The following TESK2 variants were observed in gnomAD, a reference collection of about 807,000 sequenced individuals.
TESK2 encodes the protein dual specificity testis-specific protein kinase 2.
A neutral mutation model predicts 57.1 loss-of-function variants in TESK2; 39 were observed. The observed-to-expected ratio is 0.68, with a 90% CI of 0.53 to 0.89. The LOEUF is 0.89. Ranked by LOEUF, TESK2 falls within the 40% of genes least tolerant of loss-of-function variation. TESK2 has a pLI of 0.00. For synonymous variants in TESK2, 249 were observed against 267.9 expected, an observed-to-expected ratio of 0.93 and a Z score of 0.69; for missense variants, 646 against 732.1, an observed-to-expected ratio of 0.88 and a Z score of 1.36.
chr1:45,457,899 A>G (rs1652173315), intron 1 of TESK2, 28 bp from the exon 2 acceptor site: 1 of 800,580 alleles, frequency 1.2e-6, no homozygotes, highest in Non-Finnish European at 2.0e-6. Context: ...ATTTCCACTG[A>G]AATCTTTAAT....
At chr1:45,403,802 A>G (rs1039452133) in intron 3 of TESK2, among the ~76,000 whole-genome samples, 1 of 151,854 alleles carries the variant, frequency 6.6e-6, no homozygotes, top group African/African-American at 2.4e-5. Flanking sequence ...TGAATAACAA[A>G]CTGAAATTAA....
At chr1:45,355,747 G>C (rs1647392576) in intron 4 of TESK2, among the ~76,000 whole-genome samples, 1 of 152,218 alleles carries the variant, frequency 6.6e-6, no homozygotes, top group Admixed American at 6.5e-5. Flanking sequence ...AACTGTGGAG[G>C]CATGTCAGAG....
At position 45,344,769 on chromosome 1, in the gene TESK2, C is replaced by T. The variant is rs1647113340; in HGVS notation, c.*71G>A. ...TGTAGGCTCCAGGGAAGAATCAAGG[C>T]TGTGCACCTAGGGGGCCATATGGTT... On this transcript the variant is annotated 3_prime_UTR_variant, in exon 11 of 11. Coordinates refer to ENST00000372086, the MANE Select transcript of TESK2 (RefSeq NM_007170.3). The T allele has an allele frequency of 1.4e-6, 2 of 1,405,880 alleles. No individual in the cohort carries two copies. The highest frequency in any genetic ancestry group is 2.0e-6 in the Non-Finnish European group (2 of 1,021,208). 87.1% of individuals were successfully genotyped at this position (1,405,880 alleles called of 1,614,324 possible).
intron 4 of TESK2, among the ~76,000 whole-genome samples, chr1:45,356,966 G>T (rs982276305): frequency 2.6e-5 from 4 of 151,978 alleles, no homozygotes; most frequent in Non-Finnish European, 5.9e-5. Context: ...GGCCGAGGCG[G>T]GTGGATCACC....
chr1:45,421,926 T>A (rs879399328), intron 2 of TESK2, 80 bp from the exon 3 acceptor site: 1 of 1,485,246 alleles, frequency 6.7e-7, no homozygotes, highest in African/African-American at 1.4e-5. Flanking sequence ...ATGTACAATA[T>A]GCCAAGATAT....
intron 2 of TESK2, among the ~76,000 whole-genome samples, chr1:45,449,650 T>C (rs2149296998): frequency 6.6e-6 from 1 of 152,306 alleles, no homozygotes; most frequent in Admixed American, 6.5e-5. Flanking sequence ...GGTGTTTCTT[T>C]AACCACTGAC....
rs1278883122 is a variant in TESK2, at chr1:45,423,557, G to A, written c.223-1711C>T. Among the ~76,000 whole-genome samples, 10 of 10,930 alleles carry A rather than the reference G, an allele frequency of 9.1e-4. No homozygotes were observed. The South Asian group carries it at 0.031, about 34-fold the overall frequency. 7.2% of individuals were successfully genotyped at this position (10,930 alleles called of 152,430 possible). A position where few individuals can be genotyped will look rare whatever the true frequency, so the allele number is the denominator to read the frequency against. On this transcript the variant is annotated intron_variant, in intron 2 of 10. Transcript: ENST00000372086. ...GGGTGACAGAGCGAGATTCCGTCTCGCGAAAAAAAAAAAAAAATCTATAAA... is the reference window on the plus strand; with the variant it reads ...GGGTGACAGAGCGAGATTCCGTCTCACGAAAAAAAAAAAAAAATCTATAAA...
intron 3 of TESK2, among the ~76,000 whole-genome samples, chr1:45,412,208 G>C (rs754011159): frequency 1.3e-5 from 2 of 152,180 alleles, no homozygotes; most frequent in Non-Finnish European, 2.9e-5. Flanking sequence ...TATACAACCA[G>C]AGCTGAGTAT....
In TESK2 at chr1:45,404,824, T is replaced by A. The variant is rs1332055953; in HGVS notation, c.344+16901A>T. Among the ~76,000 whole-genome samples the A allele has an allele frequency of 2.0e-5, 3 of 152,104 alleles. No homozygotes were observed. In the South Asian group the frequency reaches 6.2e-4, roughly 31 times the overall value. ...TCCCAAAGTACTAGGATTACAGGCCTGAGCCACCACACCAGGCCTATTTCT... is the reference window on the plus strand; with the variant it reads ...TCCCAAAGTACTAGGATTACAGGCCAGAGCCACCACACCAGGCCTATTTCT... On this transcript the variant is annotated intron_variant, in intron 3 of 10. Transcript: ENST00000372086.
At chr1:45,455,403 C>T (rs1428951690) in intron 2 of TESK2, among the ~76,000 whole-genome samples, 1 of 152,188 alleles carries the variant, frequency 6.6e-6, no homozygotes. Context: ...TAAACAATTG[C>T]CACACTTCGG....
At chr1:45,479,686 C>T (rs577573475) in intron 1 of TESK2, among the ~76,000 whole-genome samples, 1 of 152,000 alleles carries the variant, frequency 6.6e-6, no homozygotes, top group East Asian at 1.9e-4. Flanking sequence ...ATAAATAACA[C>T]CATATTTAAT....
At chr1:45,396,708 C>T (rs1405843724) in intron 3 of TESK2, among the ~76,000 whole-genome samples, 3 of 150,568 alleles carry the variant, frequency 2.0e-5, no homozygotes, top group African/African-American at 4.9e-5. Flanking sequence ...AGGCTGGTCT[C>T]GAACTCCTGA....
chr1:45,357,228 AATAAATAAATAAATGTATGT>A (rs1407136344), intron 4 of TESK2, among the ~76,000 whole-genome samples: 2 of 150,248 alleles, frequency 1.3e-5, no homozygotes, highest in Non-Finnish European at 1.5e-5. Context: ...TAAATAAATA[AATAAATAAATAAATGTATGT>A]ATGTATGTAT....
At chr1:45,455,821 T>C (rs577287985) in intron 2 of TESK2, among the ~76,000 whole-genome samples, 2 of 152,016 alleles carry the variant, frequency 1.3e-5, no homozygotes, top group South Asian at 4.1e-4. Flanking sequence ...AAGCTGGAAA[T>C]GGTACATAGA....
chr1:45,393,436 A>G (rs1263783295), intron 3 of TESK2, among the ~76,000 whole-genome samples: 5 of 152,176 alleles, frequency 3.3e-5, no homozygotes, highest in Non-Finnish European at 7.4e-5. Flanking sequence ...TGAGACATGC[A>G]TTAGCTTTAT....
At chr1:45,394,911 AACTCCTG>A (rs1649298390) in intron 3 of TESK2, among the ~76,000 whole-genome samples, 1 of 151,542 alleles carries the variant, frequency 6.6e-6, no homozygotes, top group South Asian at 2.1e-4. Flanking sequence ...GCTGGTCTCG[AACTCCTG>A]ACCTCAAGTG....
At chr1:45,466,085 A>G (rs1652541150) in intron 1 of TESK2, among the ~76,000 whole-genome samples, 1 of 152,188 alleles carries the variant, frequency 6.6e-6, no homozygotes, top group Non-Finnish European at 1.5e-5. Flanking sequence ...CCTTACGTCT[A>G]TAATCCCAAC....
intron 9 of TESK2, 45 bp downstream of exon 9, chr1:45,346,648 G>T: frequency 6.5e-7 from 1 of 1,544,064 alleles, no homozygotes; most frequent in Non-Finnish European, 8.9e-7. Context: ...GGTGAAAAGG[G>T]TTCAGCCAGC....
chr1:45,459,617 G>A (rs150243013), intron 1 of TESK2, among the ~76,000 whole-genome samples: 168 of 152,174 alleles, frequency 1.1e-3, no homozygotes, highest in African/African-American at 3.9e-3. Context: ...CAAGGCAAGA[G>A]GATCACTTGA....
Sources: allele counts gnomAD v4.1 joint callset (sites outside exome capture counted in the v4.1 genomes callset), GRCh38; gene constraint gnomAD v4.1.1; transcripts MANE v1.5; gene names NCBI Gene and HGNC (gene_info 2026-07-23, HGNC 2026-07-21).